CACNA1H: variants seen among roughly 807,000 people sequenced by gnomAD.
CACNA1H encodes the protein calcium voltage-gated channel subunit alpha1 H, also known as voltage-dependent T-type calcium channel subunit alpha-1H.
Under a neutral mutation model 192.5 loss-of-function variants are expected in CACNA1H, and 149 were observed. The ratio of observed to expected loss-of-function variants is 0.77; its 90% CI spans 0.68 to 0.89. The LOEUF (loss-of-function observed/expected upper bound fraction) is 0.89, where lower values mean the gene tolerates loss of function less well. CACNA1H is among the 40% of genes least tolerant of loss of function. The probability of loss-of-function intolerance (pLI) is 0.00; values close to 1 mark genes in which losing one functional copy is unlikely to be tolerated. For synonymous variants in CACNA1H, 2,202 were observed against 1,475.2 expected (o/e 1.49, Z -11.29); for missense variants, 4,257 against 3,423.5 (o/e 1.24, Z -6.08).
rs1969476340 is a variant in CACNA1H at position 1,211,744 on chromosome 16, C to T, written c.4505C>T (p.Ser1502Phe). ...QALMSLFVLS[S>F]KDGWVNIMYD... ...CTGATGTCGCTGTTCGTGCTGTCAT[C>T]CAAGGATGGATGGGTGAACATCATG... Residue 1502 changes from serine (S) to phenylalanine (F), a missense_variant, in exon 24 of 35, where the codon TCC (serine) becomes TTC (phenylalanine). Transcript: ENST00000348261. 6.2e-7 allele frequency: 1 copy of T among 1,612,696 alleles called. No individual in the cohort carries two copies. Among genetic ancestry groups the T allele is most frequent in the Non-Finnish European group, 8.5e-7 (1 of 1,179,720 alleles).
chr16:1,182,143 C>T lies in CACNA1H; in HGVS notation c.300-12829C>T, dbSNP rs566464102. On this transcript the variant is annotated intron_variant, in intron 2 of 34. Coordinates refer to ENST00000348261, the MANE Select transcript of CACNA1H (RefSeq NM_021098.3). ...GCAGGGGCAGGAGCAGGGTCCGTGC[C>T]TGAGACAGCGCAGGTGATGTGATTG... Among the ~76,000 whole-genome samples, 242 of 152,318 alleles carry T rather than the reference C, an allele frequency of 1.6e-3. 1 individual carries two copies. Among genetic ancestry groups the T allele is most frequent in the Middle Eastern group, 3.4e-3 (1 of 294 alleles).
intron 8 of CACNA1H, 137 bp downstream of exon 8, chr16:1,200,945 C>G (rs767315181): frequency 2.2e-5 from 13 of 579,974 alleles, no homozygotes; most frequent in Non-Finnish European, 3.6e-5. Flanking sequence ...GGAGGCAGAG[C>G]TTGCGGGGGT....
At chr16:1,172,332 G>A (rs943425867) in intron 2 of CACNA1H, among the ~76,000 whole-genome samples, 14 of 152,148 alleles carry the variant, frequency 9.2e-5, no homozygotes, top group African/African-American at 1.9e-4. Context: ...GAGCCAGGCC[G>A]TGCCATCCCC....
intron 2 of CACNA1H, among the ~76,000 whole-genome samples, chr16:1,177,838 C>T (rs1191239743): frequency 2.6e-5 from 4 of 151,940 alleles, no homozygotes; most frequent in African/African-American, 9.7e-5. Flanking sequence ...GAGGGCTCCG[C>T]CGCTCCTGAC....
rs201018826 is a variant in CACNA1H at position 1,218,429 on chromosome 16, G to A, written c.5665G>A (p.Gly1889Arg). The change falls in exon 33 of 35, where the codon GGG becomes AGG. Residue 1889 changes from glycine to arginine, a missense_variant. Transcript: ENST00000348261. ...CGAGCTGGAGATGGCGCAGGGCCCC[G>A]GGAGTGCACGCCGGGTGGACGCGGA... ...EIELEMAQGP[G>R]SARRVDADRP... 66 of 1,553,134 alleles carry A rather than the reference G, an allele frequency of 4.2e-5. No individual in the cohort carries two copies. Among genetic ancestry groups the A allele is most frequent in the African/African-American group, 3.0e-4 (22 of 73,168 alleles).
chr16:1,202,837 T>C (rs1262620192), intron 9 of CACNA1H, among the ~76,000 whole-genome samples: 1 of 151,816 alleles, frequency 6.6e-6, no homozygotes, highest in Non-Finnish European at 1.5e-5. Context: ...TTCGTGGCCA[T>C]TGAGGCTGGC....
chr16:1,205,073 G>T lies in CACNA1H; in HGVS notation c.2452-41G>T, dbSNP rs555668336. On this transcript the variant is annotated intron_variant, in intron 10 of 34. Coordinates refer to ENST00000348261, the MANE Select transcript of CACNA1H (RefSeq NM_021098.3). ...TCAGTGCCGGTGAGGGGTGGGAGCC[G>T]CGGGTGCGGCCTCCTGAACTGTCCC... 5.1e-6 allele frequency: 8 copies of T among 1,564,796 alleles called. No individual in the cohort carries two copies. In the African/African-American group the frequency reaches 9.5e-5, roughly 19 times the overall value.
intron 18 of CACNA1H, 47 bp downstream of exon 18, chr16:1,210,182 G>C: frequency 6.8e-7 from 1 of 1,468,714 alleles, no homozygotes; most frequent in Admixed American, 2.0e-5. Context: ...CCACCCCACG[G>C]GACCCCCGCC....
In CACNA1H at chr16:1,208,118, C is replaced by T. The variant is rs772383239; in HGVS notation, c.3260C>T (p.Thr1087Ile). 4 of 1,593,880 alleles carry T rather than the reference C, an allele frequency of 2.5e-6. No homozygotes were observed. The highest frequency in any genetic ancestry group is 3.5e-5 in the Admixed American group (2 of 57,794). The change falls in exon 16 of 35, where the codon ACC (threonine) becomes ATC (isoleucine). Residue 1087 changes from threonine (T) to isoleucine (I), a missense_variant. Transcript: ENST00000348261. ...IMCTAATPMP[T>I]PKSSPFLDAA... ...TGCACAGCTGCCACGCCCATGCCTA[C>T]CCCCAAGAGCTCACCATTCCTGGAT... is the stretch of plus-strand genomic sequence containing the variant.
At position 1,219,022 on chromosome 16, in the gene CACNA1H, G is replaced by A; in HGVS notation, c.5940G>A (p.Gln1980=). 6.5e-7 allele frequency: 1 copy of A among 1,550,230 alleles called. No individual in the cohort carries two copies. Among genetic ancestry groups the A allele is most frequent in the Non-Finnish European group, 8.7e-7 (1 of 1,146,880 alleles). The change falls in exon 34 of 35, where the codon CAG becomes CAA. Residue 1980 remains glutamine, a synonymous_variant. Transcript: ENST00000348261. ...CCGCAGAGTCCTGTGCCTCCCTCCA[G>A]ATCCCATTGGCTGTGTCGTCCCCAG... is the stretch of plus-strand genomic sequence containing the variant. ...SPPAESCASL[Q]IPLAVSSPAR... is the part of the protein sequence containing the mutation.
Position 1,210,377 on chromosome 16 carries a change from G to A in CACNA1H, c.3853G>A (p.Val1285Ile), listed in dbSNP as rs761199543. The A allele has an allele frequency of 3.5e-5, 27 of 772,188 alleles. No homozygotes were observed. The highest frequency in any genetic ancestry group is 2.8e-4 in the Admixed American group (11 of 38,912). 47.8% of individuals were successfully genotyped at this position (772,188 alleles called of 1,614,324 possible). A position where few individuals can be genotyped will look rare whatever the true frequency, so the allele number is the denominator to read the frequency against. ...CCGCCCCCGCCCACCCAGGTTCCGC[G>A]TCTCCTGCCAGAAGGTCATCACACA... Reference protein sequence around the residue: ...YLFSPQNRFRVSCQKVITHKM... With the variant: ...YLFSPQNRFRISCQKVITHKM... Residue 1285 changes from valine to isoleucine, a missense_variant, in exon 19 of 35, where the codon GTC (valine) becomes ATC (isoleucine). Coordinates refer to ENST00000348261, the MANE Select transcript of CACNA1H (RefSeq NM_021098.3).
At chr16:1,190,201 C>T (rs530959927) in intron 2 of CACNA1H, among the ~76,000 whole-genome samples, 59 of 152,368 alleles carry the variant, frequency 3.9e-4, no homozygotes, top group Non-Finnish European at 6.6e-4. Context: ...AGCAGGCCCC[C>T]TCCCAGGGCT....
At chr16:1,192,164 C>G (rs551207542) in intron 2 of CACNA1H, among the ~76,000 whole-genome samples, 1 of 152,228 alleles carries the variant, frequency 6.6e-6, no homozygotes. Context: ...CCAGACGGTC[C>G]GAGAGGTCGG....
At chr16:1,186,697 G>T (rs763016590) in intron 2 of CACNA1H, among the ~76,000 whole-genome samples, 2 of 152,134 alleles carry the variant, frequency 1.3e-5, no homozygotes, top group Non-Finnish European at 2.9e-5. Context: ...CCCGATGCCC[G>T]TGGCACCACC....
chr16:1,161,497 C>T (rs1963194352), intron 2 of CACNA1H, among the ~76,000 whole-genome samples: 1 of 152,120 alleles, frequency 6.6e-6, no homozygotes, highest in South Asian at 2.1e-4. Flanking sequence ...TTTAGTAGCC[C>T]CAGATGTTAA....
intron 2 of CACNA1H, among the ~76,000 whole-genome samples, chr16:1,160,501 C>T (rs1168494437): frequency 1.3e-5 from 2 of 152,202 alleles, no homozygotes; most frequent in Non-Finnish European, 2.9e-5. Context: ...GGAGAGCTGG[C>T]AGCAGGTCTG....
intron 12 of CACNA1H, 92 bp from the exon 13 acceptor site, chr16:1,206,909 T>TCCCCCCCCCCCCCCCCCCCCCCCCCCCCC: frequency 1.7e-5 from 2 of 116,610 alleles, no homozygotes. Context: ...GTCCTGCCCC[T>TCCCCCCCCCCCCCCCCCCCCCCCCCCCCC]CCCTCCTCCC....
In CACNA1H at chr16:1,200,102, C is replaced by T. The variant is rs113399862; in HGVS notation, c.804-154C>T. Among the ~76,000 whole-genome samples the T allele has an allele frequency of 3.3e-5, 5 of 152,190 alleles. No individual in the cohort carries two copies. The East Asian group carries it at 5.8e-4, about 18-fold the overall frequency. On this transcript the variant is annotated intron_variant, in intron 6 of 34. Coordinates refer to ENST00000348261, the MANE Select transcript of CACNA1H (RefSeq NM_021098.3). ...CCTCAGTCCTATCATGCCCCCTGACCCTAACCGTGCCTCCCTAACCATGAT... is the reference window on the plus strand; with the variant it reads ...CCTCAGTCCTATCATGCCCCCTGACTCTAACCGTGCCTCCCTAACCATGAT...
At chr16:1,216,026 T>C (rs1969997255) in intron 30 of CACNA1H, among the ~76,000 whole-genome samples, 1 of 151,612 alleles carries the variant, frequency 6.6e-6, no homozygotes, top group African/African-American at 2.4e-5. Flanking sequence ...CCCAGATCCT[T>C]TCTGTCCTCC....
Sources: gnomAD v4.1 joint callset for allele counts (sites outside exome capture counted in the v4.1 genomes callset) on GRCh38, gnomAD v4.1.1 for gene constraint, MANE v1.5 for transcripts, NCBI Gene and HGNC (gene_info 2026-07-23, HGNC 2026-07-21) for gene names.